MIB1: variants seen among roughly 807,000 people sequenced by gnomAD.
The protein encoded by MIB1 is MIB E3 ubiquitin protein ligase 1.
MIB1 carries 278 observed loss-of-function variants against 124.5 expected under a neutral mutation model. The ratio of observed to expected loss-of-function variants is 2.23; its 90% CI spans 2.02 to 2.47. The LOEUF (loss-of-function observed/expected upper bound fraction) is 2.47, where lower values mean the gene tolerates loss of function less well. MIB1 is among the 30% of genes most tolerant of loss of function. The pLI is 0.00. For synonymous variants in MIB1, 446 were observed against 429.4 expected (o/e 1.04, Z -0.48); for missense variants, 957 against 1,254.4 (o/e 0.76, Z 3.58).
intron 1 of MIB1, among the ~76,000 whole-genome samples, chr18:21,727,848 A>G (rs949066847): frequency 1.3e-5 from 2 of 152,192 alleles, no homozygotes; most frequent in Non-Finnish European, 2.9e-5. Flanking sequence ...CACGGGTTCT[A>G]CAGCTGCAAG....
chr18:21,747,468 A>C (rs2040924182), intron 1 of MIB1, among the ~76,000 whole-genome samples: 1 of 152,236 alleles, frequency 6.6e-6, no homozygotes, highest in African/African-American at 2.4e-5. Context: ...TCAAGGACAC[A>C]CTTTGAATAG....
At chr18:21,706,307 C>G (rs1408491194) in intron 1 of MIB1, among the ~76,000 whole-genome samples, 1 of 152,152 alleles carries the variant, frequency 6.6e-6, no homozygotes, top group East Asian at 1.9e-4. Flanking sequence ...TCTGGAACTC[C>G]TGATCCACTC....
chr18:21,855,720 G>A (rs1650554215), intron 18 of MIB1, among the ~76,000 whole-genome samples: 1 of 152,118 alleles, frequency 6.6e-6, no homozygotes, highest in African/African-American at 2.4e-5. Flanking sequence ...CACATCAGTG[G>A]TTTTGTGCTT....
In MIB1 at chr18:21,854,294, T is replaced by C. The variant is rs1384547635; in HGVS notation, c.2665+1076T>C. ...TTTTTGGCTTTGTAGGCCACATGGT[T>C]TCTGTAGTAACCACTCAGCTCTTTC... On this transcript the variant is annotated intron_variant, in intron 18 of 20. Coordinates refer to ENST00000261537, the MANE Select transcript of MIB1 (RefSeq NM_020774.4). Among the ~76,000 whole-genome samples the C allele has an allele frequency of 3.9e-5, 6 of 152,322 alleles. No individual in the cohort carries two copies. In the East Asian group the frequency reaches 1.2e-3, roughly 29 times the overall value.
chr18:21,855,969 G>A (rs1227523862), intron 18 of MIB1, among the ~76,000 whole-genome samples: 4 of 152,110 alleles, frequency 2.6e-5, no homozygotes, highest in Non-Finnish European at 4.4e-5. Flanking sequence ...GGTGGCTCAC[G>A]CCTGTAATCC....
At chr18:21,758,048 G>A (rs2041055054) in intron 1 of MIB1, among the ~76,000 whole-genome samples, 1 of 152,126 alleles carries the variant, frequency 6.6e-6, no homozygotes, top group Non-Finnish European at 1.5e-5. Flanking sequence ...CTAATGTTGT[G>A]TGACTTCAGG....
intron 1 of MIB1, among the ~76,000 whole-genome samples, chr18:21,748,360 CCTCCCTCCCTCT>C (rs1337040855): frequency 2.6e-5 from 3 of 117,318 alleles, no homozygotes; most frequent in Non-Finnish European, 3.6e-5. Context: ...TCTCTCCCTC[CCTCCCTCCCTCT>C]CTCCCCCCTC....
At chr18:21,842,554 GT>G (rs2042100960) in intron 13 of MIB1, among the ~76,000 whole-genome samples, 1 of 152,132 alleles carries the variant, frequency 6.6e-6, no homozygotes, top group Non-Finnish European at 1.5e-5. Context: ...GGGTTCAGCT[GT>G]TCTCATACGG....
intron 1 of MIB1, among the ~76,000 whole-genome samples, chr18:21,760,794 T>C (rs1009609337): frequency 2.0e-5 from 3 of 152,222 alleles, no homozygotes; most frequent in African/African-American, 4.8e-5. Flanking sequence ...GGATACATTT[T>C]CCCTACGTCT....
intron 6 of MIB1, among the ~76,000 whole-genome samples, chr18:21,783,137 T>C (rs997027385): frequency 6.6e-6 from 1 of 152,134 alleles, no homozygotes; most frequent in Non-Finnish European, 1.5e-5. Context: ...TTCCATCCCT[T>C]CACTTTCAGT....
Position 21,869,267 on chromosome 18 carries a change from C to CAAAATGGTCCTGTAATTTTTAAAGT in MIB1, c.*4607_*4631dup, listed in dbSNP as rs2042340268. ...AACCCAGCTTATTTCCTCCAAAAAG[C>CAAAATGGTCCTGTAATTTTTAAAGT]AAAATGGTCCTGTAATTTTTAAAGT... On this transcript the variant is annotated 3_prime_UTR_variant, in exon 21 of 21. Transcript: ENST00000261537. 6 of 152,396 alleles carry CAAAATGGTCCTGTAATTTTTAAAGT rather than the reference C, an allele frequency of 3.9e-5. No homozygotes were observed. The highest frequency in any genetic ancestry group is 3.9e-4 in the Admixed American group (6 of 15,252). The allele number at this position is 152,396 out of a possible 1,614,324, so 9.4% of individuals were successfully genotyped here.
At chr18:21,795,246 A>G (rs1213327289) in intron 7 of MIB1, among the ~76,000 whole-genome samples, 2 of 146,190 alleles carry the variant, frequency 1.4e-5, no homozygotes, top group Non-Finnish European at 3.0e-5. Flanking sequence ...TGCACATATT[A>G]GGGAACCAAG....
chr18:21,753,105 A>T (rs532769554), intron 1 of MIB1, among the ~76,000 whole-genome samples: 1 of 152,190 alleles, frequency 6.6e-6, no homozygotes, highest in Non-Finnish European at 1.5e-5. Flanking sequence ...GGAAAAATAT[A>T]TGTAGAAAAA....
intron 1 of MIB1, among the ~76,000 whole-genome samples, chr18:21,713,705 C>T (rs1372716998): frequency 1.3e-5 from 2 of 149,736 alleles, no homozygotes; most frequent in African/African-American, 4.9e-5. Flanking sequence ...CCTTGGCCTC[C>T]CAAAATGCTA....
At chr18:21,847,676 C>A (rs1461668739) in intron 16 of MIB1, among the ~76,000 whole-genome samples, 1 of 152,014 alleles carries the variant, frequency 6.6e-6, no homozygotes, top group Admixed American at 6.6e-5. Context: ...AACTTATACT[C>A]CATGAACAGG....
At chr18:21,770,887 ATTCTTTAAC>A (rs2041217454) in intron 3 of MIB1, among the ~76,000 whole-genome samples, 2 of 152,142 alleles carry the variant, frequency 1.3e-5, no homozygotes, top group Admixed American at 6.6e-5. Context: ...TCTTTATAGT[ATTCTTTAAC>A]TTCTTTAACT....
At chr18:21,710,586 C>T (rs2040661221) in intron 1 of MIB1, among the ~76,000 whole-genome samples, 2 of 151,966 alleles carry the variant, frequency 1.3e-5, no homozygotes, top group Admixed American at 1.3e-4. Flanking sequence ...CTTATTTCTA[C>T]AAAAAATTTA....
intron 4 of MIB1, 25 bp from the exon 5 acceptor site, chr18:21,778,077 AT>A: frequency 6.3e-7 from 1 of 1,578,304 alleles, no homozygotes; most frequent in Non-Finnish European, 8.7e-7. Context: ...TTCATGGGTG[AT>A]TTTTCTGGTT....
intron 1 of MIB1, among the ~76,000 whole-genome samples, chr18:21,719,983 C>T (rs1598579469): frequency 6.6e-6 from 1 of 152,092 alleles, no homozygotes; most frequent in East Asian, 1.9e-4. Context: ...AAGAATAAAA[C>T]GTTTAAAAAA....
Sources: allele counts gnomAD v4.1 joint callset (sites outside exome capture counted in the v4.1 genomes callset), GRCh38; gene constraint gnomAD v4.1.1; transcripts MANE v1.5; gene names NCBI Gene and HGNC (gene_info 2026-07-23, HGNC 2026-07-21).